The following TCFL5 variants were observed in gnomAD, a reference collection of about 807,000 sequenced individuals.
The protein encoded by TCFL5 is transcription factor-like 5 protein.
Under a neutral mutation model 44.3 loss-of-function variants are expected in TCFL5, and 9 were observed. The observed-to-expected ratio is 0.20, with a 90% CI of 0.12 to 0.35. The LOEUF is 0.35. Ranked by LOEUF, TCFL5 falls within the 10% of genes least tolerant of loss-of-function variation. TCFL5 has a pLI of 1.00. For missense variants in TCFL5, 603 were observed against 613.4 expected (o/e 0.98, Z 0.18); for synonymous variants, 319 against 271.6 (o/e 1.17, Z -1.72).
intron 5 of TCFL5, among the ~76,000 whole-genome samples, chr20:62,849,389 C>A (rs1208151410): frequency 6.6e-6 from 1 of 152,142 alleles, no homozygotes; most frequent in Non-Finnish European, 1.5e-5. Flanking sequence ...GCCATCTAAA[C>A]CCAGAATGTG....
chr20:62,851,481 A>C (rs1370995172), intron 5 of TCFL5: 1 of 974,976 alleles, frequency 1.0e-6, no homozygotes, highest in African/African-American at 1.8e-5. Flanking sequence ...AAGCCAAAAC[A>C]TTAAAGCATT....
At chr20:62,851,247 T>C (rs1202182903) in intron 5 of TCFL5, among the ~76,000 whole-genome samples, 1 of 152,330 alleles carries the variant, frequency 6.6e-6, no homozygotes, top group East Asian at 1.9e-4. Context: ...CCTCAGCCTG[T>C]TTCTTGGTGG....
In TCFL5 at chr20:62,861,446, C is replaced by T. The variant is rs2064007612; in HGVS notation, c.225G>A (p.Thr75=). 1 of 1,172,000 alleles carries T rather than the reference C, an allele frequency of 8.5e-7. No individual in the cohort carries two copies. The allele number at this position is 1,172,000 out of a possible 1,614,324, so 72.6% of individuals were successfully genotyped here. The change falls in exon 1 of 6, where the codon ACG becomes ACA. Residue 75 remains threonine, a synonymous_variant. Transcript: ENST00000335351. The surrounding 1 kb of genome is among the most constrained non-coding windows in gnomAD (Gnocchi z 4.0). The stretch of plus-strand genomic sequence containing the variant: ...CCGCCAGCAGCGCCGAGTTGAGGCG[C>T]GTCTCGAGCTCGCCGTCAGCCGCCG... ...MEAAADGELE[T]RLNSALLAAA...
At chr20:62,848,059 G>A (rs1203707566) in intron 5 of TCFL5, among the ~76,000 whole-genome samples, 2 of 152,242 alleles carry the variant, frequency 1.3e-5, no homozygotes, top group Non-Finnish European at 2.9e-5. Context: ...AGGATCACGG[G>A]AGAAGTCACA....
intron 1 of TCFL5, 78 bp from the exon 2 acceptor site, chr20:62,860,386 T>G: frequency 2.9e-6 from 4 of 1,388,914 alleles, no homozygotes; most frequent in Non-Finnish European, 4.0e-6. Flanking sequence ...CCCATGGCTC[T>G]GGCTAGTTTT....
At chr20:62,854,881 TG>T in intron 4 of TCFL5, among the ~76,000 whole-genome samples, 1 of 152,244 alleles carries the variant, frequency 6.6e-6, no homozygotes, top group Non-Finnish European at 1.5e-5. Context: ...AAACAGCAGC[TG>T]GCATTTACTA....
At position 62,842,002 on chromosome 20, in the gene TCFL5, C is replaced by G; in HGVS notation, c.1476G>C (p.Gln492His). The change falls in exon 6 of 6, where the codon CAG (glutamine) becomes CAC (histidine). Residue 492 changes from glutamine (Q) to histidine (H), a missense_variant. Transcript: ENST00000335351. This position sits in a 1 kb window ranked among gnomAD's most constrained non-coding sequence, Gnocchi z 4.3. ...LVTCPAQGSL[Q>H]SSPSMEIK is the part of the protein sequence containing the mutation. ...ACTTGATCTCCATCGAGGGGCTGCT[C>G]TGTAAACTCCCCTGTGCAGGACAGG... 6.2e-7 allele frequency: 1 copy of G among 1,614,212 alleles called. No homozygotes were observed. Among genetic ancestry groups the G allele is most frequent in the Non-Finnish European group, 8.5e-7 (1 of 1,180,036 alleles).
chr20:62,860,350 G>A, intron 1 of TCFL5, 42 bp from the exon 2 acceptor site: 1 of 1,555,638 alleles, frequency 6.4e-7, no homozygotes, highest in Non-Finnish European at 8.8e-7. Flanking sequence ...AGCAATACGT[G>A]GCAGACAAGC....
chr20:62,854,847 C>A (rs920828779), intron 4 of TCFL5, among the ~76,000 whole-genome samples: 1 of 152,174 alleles, frequency 6.6e-6, no homozygotes, highest in African/African-American at 2.4e-5. Flanking sequence ...CTATTTAGAA[C>A]TTTAATTAGA....
chr20:62,848,621 C>A lies in TCFL5; in HGVS notation c.1380+5395G>T, dbSNP rs372950571. Among the ~76,000 whole-genome samples, 11 of 151,598 alleles carry A rather than the reference C, an allele frequency of 7.3e-5. No individual in the cohort carries two copies. In the East Asian group the frequency reaches 1.4e-3, roughly 19 times the overall value. ...GGCGTGGTGGGATGCGTTTGTAATCCCAGCTACTCGGGAGGCTGAGGCAGG... is the reference window on the plus strand; with the variant it reads ...GGCGTGGTGGGATGCGTTTGTAATCACAGCTACTCGGGAGGCTGAGGCAGG... On this transcript the variant is annotated intron_variant, in intron 5 of 5. Coordinates refer to ENST00000335351, the MANE Select transcript of TCFL5 (RefSeq NM_006602.4).
intron 5 of TCFL5, chr20:62,845,835 AT>A (rs766621466): frequency 6.3e-7 from 1 of 1,595,318 alleles, no homozygotes; most frequent in East Asian, 2.3e-5. Flanking sequence ...TATAAAAGTG[AT>A]TTATGACAAA....
At chr20:62,855,960 C>T (rs577128522) in intron 4 of TCFL5, among the ~76,000 whole-genome samples, 2 of 151,186 alleles carry the variant, frequency 1.3e-5, no homozygotes, top group East Asian at 3.9e-4. Context: ...CTATGAAAAC[C>T]CAATTATAGG....
chr20:62,856,863 A>G (rs1281520312), intron 4 of TCFL5, among the ~76,000 whole-genome samples: 1 of 152,158 alleles, frequency 6.6e-6, no homozygotes, highest in Non-Finnish European at 1.5e-5. Context: ...CAGGGAGTTA[A>G]GAGTGCCCCC....
Position 62,860,312 on chromosome 20 carries a change from CCAAGA to C in TCFL5, c.648-9_648-5del. 1 of 1,601,108 alleles carries C rather than the reference CCAAGA, an allele frequency of 6.2e-7. No individual in the cohort carries two copies. Among genetic ancestry groups the C allele is most frequent in the Non-Finnish European group, 8.6e-7 (1 of 1,169,248 alleles). ...ATGTCGAATGAGAGTTACCAAACTG[CCAAGA>C]CAAAAGAAAGCCCAGAAGTGTCAGC... is the stretch of plus-strand genomic sequence containing the variant. On this transcript the variant is annotated splice_polypyrimidine_tract_variant and splice_region_variant and intron_variant, in intron 1 of 5. Transcript: ENST00000335351.
At chr20:62,852,741 G>T (rs1450415815) in intron 5 of TCFL5, 1 of 1,277,388 alleles carries the variant, frequency 7.8e-7, no homozygotes, top group Non-Finnish European at 1.0e-6. Flanking sequence ...CAGAAGCATA[G>T]TCACCTGGTC....
chr20:62,850,113 G>A (rs1415565341), intron 5 of TCFL5, among the ~76,000 whole-genome samples: 1 of 152,146 alleles, frequency 6.6e-6, no homozygotes, highest in African/African-American at 2.4e-5. Flanking sequence ...CTGGGATTCT[G>A]TGGAAGGCCT....
chr20:62,856,660 C>T (rs563143722), intron 4 of TCFL5, among the ~76,000 whole-genome samples: 2 of 144,688 alleles, frequency 1.4e-5, no homozygotes, highest in South Asian at 2.2e-4. Context: ...GAGCAGAGAT[C>T]GCGCCACTGC....
In TCFL5 at chr20:62,841,999, G is replaced by A. The variant is rs1257409999; in HGVS notation, c.1479C>T (p.Ser493=). ...VTCPAQGSLQ[S]SPSMEIK ...ATCACTTGATCTCCATCGAGGGGCT[G>A]CTCTGTAAACTCCCCTGTGCAGGAC... Residue 493 remains serine, a synonymous_variant, in exon 6 of 6, where the codon AGC becomes AGT. Coordinates refer to ENST00000335351, the MANE Select transcript of TCFL5 (RefSeq NM_006602.4). 2 of 1,614,188 alleles carry A rather than the reference G, an allele frequency of 1.2e-6. No homozygotes were observed. The highest frequency in any genetic ancestry group is 1.7e-6 in the Non-Finnish European group (2 of 1,180,020).
At position 62,842,598 on chromosome 20, in the gene TCFL5, C is replaced by T. The variant is rs1008206371; in HGVS notation, c.1381-501G>A. Among the ~76,000 whole-genome samples the T allele has an allele frequency of 6.6e-6, 1 of 152,088 alleles. No homozygotes were observed. The highest frequency in any genetic ancestry group is 1.5e-5 in the Non-Finnish European group (1 of 68,022). Reference sequence around the variant, plus strand: ...TTAACATGGTGAAACCCCATCTCTACTAAAAATACAAAAATTAGCTGGGCG... The same window carrying T: ...TTAACATGGTGAAACCCCATCTCTATTAAAAATACAAAAATTAGCTGGGCG... On this transcript the variant is annotated intron_variant, in intron 5 of 5. Transcript: ENST00000335351. The surrounding 1 kb of genome is among the most constrained non-coding windows in gnomAD (Gnocchi z 4.3).
Sources: gnomAD v4.1 joint callset for allele counts (sites outside exome capture counted in the v4.1 genomes callset) on GRCh38, gnomAD v4.1.1 for gene constraint, Gnocchi (gnomAD v3.1) non-coding constraint, MANE v1.5 for transcripts, NCBI Gene and HGNC (gene_info 2026-07-23, HGNC 2026-07-21) for gene names.